The following PHLPP1 variants were observed in gnomAD, a reference collection of about 807,000 sequenced individuals.
PHLPP1 encodes PH domain leucine-rich repeat-containing protein phosphatase 1.
Under a neutral mutation model 117.2 loss-of-function variants are expected in PHLPP1, and 42 were observed. The ratio of observed to expected loss-of-function variants is 0.36; its 90% confidence interval spans 0.28 to 0.46. The LOEUF (loss-of-function observed/expected upper bound fraction) is 0.46, where lower values mean the gene tolerates loss of function less well. Among genes scored for constraint, PHLPP1 ranks in the 20% least tolerant of loss-of-function variants. PHLPP1 has a pLI of 1.00. For missense variants in PHLPP1, 2,084 were observed against 2,241.9 expected (o/e 0.93, Z 1.42); for synonymous variants, 1,042 against 970.7 (o/e 1.07, Z -1.37).
chr18:62,863,049 CT>C (rs11318520), intron 4 of PHLPP1, among the ~76,000 whole-genome samples: 71,409 of 141,750 alleles, frequency 0.5, 17,372 homozygotes, highest in African/African-American at 0.55. Context: ...CTGTGGTATT[CT>C]TTTTTTTTTT....
intron 1 of PHLPP1, among the ~76,000 whole-genome samples, chr18:62,793,380 A>C (rs972279601): frequency 6.6e-6 from 1 of 152,156 alleles, no homozygotes; most frequent in Non-Finnish European, 1.5e-5. Context: ...TTTCGCCTTC[A>C]TATCATCTTG....
intron 1 of PHLPP1, among the ~76,000 whole-genome samples, chr18:62,726,334 G>A (rs117730619): frequency 1.7e-3 from 252 of 151,422 alleles, no homozygotes; most frequent in Admixed American, 3.9e-3. Context: ...TTTTTTTTTG[G>A]GGGGGTTGGA....
At position 62,716,928 on chromosome 18, in the gene PHLPP1, G is replaced by T. The variant is rs1302804462; in HGVS notation, c.1245G>T (p.Pro415=). ...CCCAGACGGCTTCCTCGCCTCAGCCGCAGCAGAAAGCCCCGAGGGCCATTG... is the reference window on the plus strand; with the variant it reads ...CCCAGACGGCTTCCTCGCCTCAGCCTCAGCAGAAAGCCCCGAGGGCCATTG... The part of the protein sequence containing the change: ...PLPQTASSPQ[P]QQKAPRAIDS... The change falls in exon 1 of 17, where the codon CCG becomes CCT. Residue 415 remains proline (P), a synonymous_variant. Transcript: ENST00000262719. The surrounding 1 kb of genome is among the most constrained non-coding windows in gnomAD (Gnocchi z 5.7). 23 of 1,534,006 alleles carry T rather than the reference G, an allele frequency of 1.5e-5. No homozygotes were observed. Among genetic ancestry groups the T allele is most frequent in the Middle Eastern group, 1.8e-4 (1 of 5,574 alleles).
chr18:62,874,657 G>GCACACACACACA (rs71340125), intron 4 of PHLPP1, among the ~76,000 whole-genome samples: 1 of 147,624 alleles, frequency 6.8e-6, no homozygotes, highest in African/African-American at 2.5e-5. Context: ...ACGCACGCGC[G>GCACACACACACA]CACACACACA....
intron 7 of PHLPP1, among the ~76,000 whole-genome samples, chr18:62,904,566 A>G (rs1204418953): frequency 2.6e-5 from 4 of 152,216 alleles, no homozygotes; most frequent in Non-Finnish European, 4.4e-5. Context: ...GATACCTGAA[A>G]CCAGGGAAGT....
chr18:62,763,855 T>A (rs1912348714), intron 1 of PHLPP1, among the ~76,000 whole-genome samples: 1 of 151,918 alleles, frequency 6.6e-6, no homozygotes. Flanking sequence ...GCTTAAATGC[T>A]CAAATAGTTT....
chr18:62,802,928 C>G (rs79420351), intron 1 of PHLPP1, among the ~76,000 whole-genome samples: 1 of 152,050 alleles, frequency 6.6e-6, no homozygotes, highest in African/African-American at 2.4e-5. Flanking sequence ...TGGTAAGGAA[C>G]GGCATGTTGG....
chr18:62,942,643 C>T (rs1456962827), intron 11 of PHLPP1, among the ~76,000 whole-genome samples: 7 of 152,048 alleles, frequency 4.6e-5, no homozygotes, highest in Non-Finnish European at 1.5e-5. Flanking sequence ...CTGAGCCTGC[C>T]GTGAGGATTT....
intron 1 of PHLPP1, 86 bp downstream of exon 1, chr18:62,717,345 C>T: frequency 1.3e-6 from 2 of 1,500,048 alleles, no homozygotes; most frequent in Non-Finnish European, 1.8e-6. Flanking sequence ...GTTTGCCCAA[C>T]CCAAGAGTAA....
At chr18:62,945,416 C>A in intron 12 of PHLPP1, 145 bp downstream of exon 12, 2 of 611,866 alleles carry the variant, frequency 3.3e-6, no homozygotes, top group Non-Finnish European at 5.4e-6. Context: ...CCTTCCTAAC[C>A]AATGGGCTAC....
intron 6 of PHLPP1, among the ~76,000 whole-genome samples, chr18:62,899,168 G>C (rs888546897): frequency 4.6e-5 from 7 of 152,182 alleles, no homozygotes; most frequent in African/African-American, 1.7e-4. Context: ...TATGGGTTGT[G>C]TACTATACAT....
At chr18:62,926,522 G>A (rs1909631798) in intron 10 of PHLPP1, among the ~76,000 whole-genome samples, 1 of 152,114 alleles carries the variant, frequency 6.6e-6, no homozygotes, top group South Asian at 2.1e-4. Flanking sequence ...GATGAGATGG[G>A]CGAGTCCACC....
chr18:62,716,188 A>C lies in PHLPP1; in HGVS notation c.505A>C (p.Thr169Pro). The change falls in exon 1 of 17, where the codon ACC becomes CCC. Residue 169 changes from threonine (T) to proline (P), a missense_variant. Thr to Pro is a conservative substitution (Grantham distance 38, BLOSUM62 -1). Coordinates refer to ENST00000262719, the MANE Select transcript of PHLPP1 (RefSeq NM_194449.4). This position sits in a 1 kb window ranked among gnomAD's most constrained non-coding sequence, Gnocchi z 5.7. ...CTGCTCGGCCTCGGCGTCGCTGTGCACCCGGAGCCTGGACAGGAAGACGCT... is the reference window on the plus strand; with the variant it reads ...CTGCTCGGCCTCGGCGTCGCTGTGCCCCCGGAGCCTGGACAGGAAGACGCT... Reference protein sequence around the residue: ...ASCSASASLCTRSLDRKTLLL... With the variant: ...ASCSASASLCPRSLDRKTLLL... 2 of 1,519,822 alleles carry C rather than the reference A, an allele frequency of 1.3e-6. No homozygotes were observed. Among genetic ancestry groups the C allele is most frequent in the Non-Finnish European group, 1.8e-6 (2 of 1,139,688 alleles). The allele number at this position is 1,519,822 out of a possible 1,614,324, so 94.1% of individuals were successfully genotyped here.
intron 1 of PHLPP1, among the ~76,000 whole-genome samples, chr18:62,812,640 G>A (rs1914156993): frequency 6.6e-6 from 1 of 151,994 alleles, no homozygotes; most frequent in Non-Finnish European, 1.5e-5. Context: ...CTGCTGCCCA[G>A]CTTCATTGTT....
At chr18:62,783,384 T>C (rs749677853) in intron 1 of PHLPP1, among the ~76,000 whole-genome samples, 2 of 152,036 alleles carry the variant, frequency 1.3e-5, no homozygotes, top group African/African-American at 4.8e-5. Context: ...CCCGCCACCA[T>C]GTCTAGCTAA....
At chr18:62,730,440 T>G (rs1911195383) in intron 1 of PHLPP1, among the ~76,000 whole-genome samples, 1 of 152,152 alleles carries the variant, frequency 6.6e-6, no homozygotes, top group African/African-American at 2.4e-5. Flanking sequence ...TGTGCTTCTT[T>G]ACATGATGTG....
chr18:62,912,512 C>A (rs150857868), intron 8 of PHLPP1, among the ~76,000 whole-genome samples: 1 of 152,012 alleles, frequency 6.6e-6, no homozygotes, highest in African/African-American at 2.4e-5. Flanking sequence ...CTCCCACCCC[C>A]CAGCAACCCC....
chr18:62,784,998 C>T (rs1158164638), intron 1 of PHLPP1, among the ~76,000 whole-genome samples: 1 of 152,180 alleles, frequency 6.6e-6, no homozygotes, highest in Admixed American at 6.5e-5. Context: ...TAAATCATAG[C>T]TCCAAAATTA....
chr18:62,893,242 A>T (rs1916471012), intron 4 of PHLPP1, among the ~76,000 whole-genome samples: 1 of 152,038 alleles, frequency 6.6e-6, no homozygotes, highest in South Asian at 2.1e-4. Flanking sequence ...ACAAAGTTTC[A>T]TCATGTTGGC....
Sources: gnomAD v4.1 joint callset for allele counts (sites outside exome capture counted in the v4.1 genomes callset) on GRCh38, gnomAD v4.1.1 for gene constraint, Gnocchi (gnomAD v3.1) non-coding constraint, MANE v1.5 for transcripts, NCBI Gene and HGNC (gene_info 2026-07-23, HGNC 2026-07-21) for gene names.